SUPT3H: variants seen among roughly 807,000 people sequenced by gnomAD.
SUPT3H encodes the protein transcription initiation protein SPT3 homolog.
In SUPT3H, 44 loss-of-function variants were observed where a neutral mutation model predicts 44.3. The ratio of observed to expected loss-of-function variants is 0.99; its 90% CI spans 0.78 to 1.28. The LOEUF is 1.28. Ranked by LOEUF, SUPT3H falls within the 50% of genes most tolerant of loss-of-function variation. The probability of loss-of-function intolerance (pLI) is 0.00; values close to 1 mark genes in which losing one functional copy is unlikely to be tolerated. For missense variants in SUPT3H, 380 were observed against 387.1 expected (o/e 0.98, Z 0.15); for synonymous variants, 124 against 125.6 (o/e 0.99, Z 0.09).
intron 6 of SUPT3H, among the ~76,000 whole-genome samples, chr6:44,987,819 A>G (rs868809388): frequency 2.3e-4 from 35 of 152,262 alleles, no homozygotes; most frequent in Middle Eastern, 6.8e-3. Flanking sequence ...CAGTGCAACA[A>G]GATGAAGTGA....
intron 2 of SUPT3H, among the ~76,000 whole-genome samples, chr6:45,225,104 T>C (rs1440394855): frequency 6.6e-6 from 1 of 151,042 alleles, no homozygotes; most frequent in Non-Finnish European, 1.5e-5. Context: ...CATGGTGAAA[T>C]CTCATCTCTA....
chr6:45,171,263 TAAAATC>T (rs1810721751), intron 2 of SUPT3H, among the ~76,000 whole-genome samples: 1 of 152,144 alleles, frequency 6.6e-6, no homozygotes, highest in Non-Finnish European at 1.5e-5. Context: ...AGAAGATACA[TAAAATC>T]AAAGAAAAAA....
chr6:45,342,885 C>A (rs921079489), intron 2 of SUPT3H, among the ~76,000 whole-genome samples: 3 of 152,082 alleles, frequency 2.0e-5, no homozygotes, highest in Non-Finnish European at 4.4e-5. Context: ...AAAGTATTCT[C>A]ATGAAAACCA....
intron 2 of SUPT3H, among the ~76,000 whole-genome samples, chr6:45,237,308 T>C (rs1260087126): frequency 3.3e-5 from 5 of 152,200 alleles, no homozygotes; most frequent in Non-Finnish European, 7.3e-5. Context: ...TTTAACATAG[T>C]TGGAGTTGGT....
intron 2 of SUPT3H, among the ~76,000 whole-genome samples, chr6:45,196,737 A>G (rs1816096953): frequency 6.6e-6 from 1 of 151,928 alleles, no homozygotes; most frequent in African/African-American, 2.4e-5. Context: ...CAAGAATTGT[A>G]TTTTCATGAT....
intron 9 of SUPT3H, among the ~76,000 whole-genome samples, chr6:44,940,647 T>G (rs1255141690): frequency 1.3e-5 from 2 of 152,156 alleles, no homozygotes; most frequent in Admixed American, 6.6e-5. Context: ...AGTTGTCCAT[T>G]ATTACTGTAT....
intron 2 of SUPT3H, among the ~76,000 whole-genome samples, chr6:45,312,209 C>A (rs1156923321): frequency 6.6e-6 from 1 of 152,022 alleles, no homozygotes; most frequent in Non-Finnish European, 1.5e-5. Context: ...AAAGCAACAA[C>A]AGTTAAAAAA....
chr6:45,298,469 C>T (rs1018368472), intron 2 of SUPT3H, among the ~76,000 whole-genome samples: 1 of 151,824 alleles, frequency 6.6e-6, no homozygotes, highest in Non-Finnish European at 1.5e-5. Context: ...CAGAAAAGAG[C>T]CTTCCAAGAT....
intron 2 of SUPT3H, among the ~76,000 whole-genome samples, chr6:45,203,205 C>G (rs1762697710): frequency 6.6e-6 from 1 of 152,034 alleles, no homozygotes; most frequent in Admixed American, 6.6e-5. Flanking sequence ...ACAGAAAACA[C>G]CATGTAAAGA....
chr6:45,323,945 G>C (rs542317627), intron 2 of SUPT3H, among the ~76,000 whole-genome samples: 15 of 152,004 alleles, frequency 9.9e-5, no homozygotes, highest in South Asian at 8.3e-4. Flanking sequence ...AGCATAGCTG[G>C]GATATTATTT....
At chr6:45,091,388 C>A (rs1399508574) in intron 3 of SUPT3H, among the ~76,000 whole-genome samples, 2 of 151,924 alleles carry the variant, frequency 1.3e-5, no homozygotes, top group African/African-American at 2.4e-5. Flanking sequence ...AAACAATATT[C>A]TTCTTACTGC....
At chr6:45,062,221 C>T (rs1052555208) in intron 3 of SUPT3H, among the ~76,000 whole-genome samples, 2 of 151,948 alleles carry the variant, frequency 1.3e-5, no homozygotes, top group African/African-American at 4.8e-5. Flanking sequence ...AAAGTTATTA[C>T]ATTCATCTTA....
At chr6:45,279,565 T>C (rs1471105521) in intron 2 of SUPT3H, among the ~76,000 whole-genome samples, 1 of 152,162 alleles carries the variant, frequency 6.6e-6, no homozygotes, top group Non-Finnish European at 1.5e-5. Flanking sequence ...GCTCCTGCTA[T>C]GTGAGATGCC....
chr6:45,119,023 T>C (rs1801231679), intron 2 of SUPT3H, among the ~76,000 whole-genome samples: 1 of 152,130 alleles, frequency 6.6e-6, no homozygotes, highest in African/African-American at 2.4e-5. Flanking sequence ...TTATCATAGA[T>C]CAGCTGGCAG....
intron 10 of SUPT3H, among the ~76,000 whole-genome samples, chr6:44,889,188 T>C (rs1255211956): frequency 6.6e-6 from 1 of 152,148 alleles, no homozygotes; most frequent in East Asian, 1.9e-4. Flanking sequence ...ATGGCCATAC[T>C]GTCCAAGGTA....
intron 3 of SUPT3H, among the ~76,000 whole-genome samples, chr6:45,064,831 A>T (rs902332770): frequency 2.0e-5 from 3 of 147,870 alleles, no homozygotes; most frequent in Admixed American, 6.7e-5. Context: ...TGACCTACAA[A>T]GAGACTTAGA....
rs1232159649 is a variant in SUPT3H at position 45,095,608 on chromosome 6, T to C, written c.186+10314A>G. ...AACTACACAGCTTACTACTGACTGG[T>C]AGATTCATACAGTGAAAATCTAATA... is the stretch of plus-strand genomic sequence containing the variant. On this transcript the variant is annotated intron_variant, in intron 3 of 10. Coordinates refer to ENST00000371459, the MANE Select transcript of SUPT3H (RefSeq NM_003599.4). The surrounding 1 kb of genome is among the most constrained non-coding windows in gnomAD (Gnocchi z 4.1). Among the ~76,000 whole-genome samples, 1 of 152,222 alleles carries C rather than the reference T, an allele frequency of 6.6e-6. No homozygotes were observed. Among genetic ancestry groups the C allele is most frequent in the Non-Finnish European group, 1.5e-5 (1 of 68,022 alleles).
chr6:45,307,240 C>T (rs916301077), intron 2 of SUPT3H, among the ~76,000 whole-genome samples: 6 of 152,198 alleles, frequency 3.9e-5, no homozygotes, highest in Non-Finnish European at 8.8e-5. Context: ...CAGACTTAAA[C>T]GTCCCTGTCT....
At chr6:45,083,805 T>A (rs1280582787) in intron 3 of SUPT3H, among the ~76,000 whole-genome samples, 1 of 151,764 alleles carries the variant, frequency 6.6e-6, no homozygotes, top group Non-Finnish European at 1.5e-5. Flanking sequence ...TCTACAACCA[T>A]CTGATCTTTG....
Sources: allele counts gnomAD v4.1 joint callset (sites outside exome capture counted in the v4.1 genomes callset), GRCh38; gene constraint gnomAD v4.1.1; non-coding constraint Gnocchi (gnomAD v3.1); transcripts MANE v1.5; gene names NCBI Gene and HGNC (gene_info 2026-07-23, HGNC 2026-07-21).